Variants in RPTOR observed in about 807,000 individuals in gnomAD.
RPTOR encodes the protein regulatory associated protein of MTOR complex 1, also known as regulatory-associated protein of mTOR.
RPTOR carries 21 observed loss-of-function variants against 169.9 expected under a neutral mutation model. The ratio of observed to expected loss-of-function variants is 0.12; its 90% CI spans 0.09 to 0.18. The LOEUF (loss-of-function observed/expected upper bound fraction) is 0.18, where lower values mean the gene tolerates loss of function less well. Ranked by LOEUF, RPTOR falls within the 10% of genes least tolerant of loss-of-function variation. The pLI is 1.00. For missense variants in RPTOR, 1,133 were observed against 1,855.9 expected (o/e 0.61, Z 7.16); for synonymous variants, 732 against 753.2 (o/e 0.97, Z 0.46).
intron 7 of RPTOR, among the ~76,000 whole-genome samples, chr17:80,801,211 C>T (rs1312934775): frequency 1.3e-5 from 2 of 152,140 alleles, no homozygotes; most frequent in Non-Finnish European, 2.9e-5. Context: ...TGATAGTGAC[C>T]GTAGGAAGCA....
intron 5 of RPTOR, among the ~76,000 whole-genome samples, chr17:80,734,511 A>G (rs62067923): frequency 0.053 from 8,045 of 152,312 alleles, 271 homozygotes; most frequent in Non-Finnish European, 0.078. Context: ...GAAAAATCTC[A>G]TTACTGGGTT....
intron 33 of RPTOR, 78 bp downstream of exon 33, chr17:80,963,135 G>C (rs1598429039): frequency 7.4e-7 from 1 of 1,350,984 alleles, no homozygotes; most frequent in Non-Finnish European, 1.0e-6. Flanking sequence ...AAGGCAGCAG[G>C]GGTCCTGCCT....
chr17:80,689,730 C>G (rs985697358), intron 3 of RPTOR, among the ~76,000 whole-genome samples: 1 of 152,192 alleles, frequency 6.6e-6, no homozygotes, highest in Non-Finnish European at 1.5e-5. Context: ...CAGTGTTTTA[C>G]GCGTATGAAA....
At chr17:80,686,045 C>A (rs1175617154) in intron 3 of RPTOR, among the ~76,000 whole-genome samples, 2 of 152,002 alleles carry the variant, frequency 1.3e-5, no homozygotes, top group Non-Finnish European at 2.9e-5. Flanking sequence ...TGGTGCTGTT[C>A]ATTTTTGAGA....
intron 1 of RPTOR, among the ~76,000 whole-genome samples, chr17:80,600,692 T>G (rs1211279688): frequency 6.6e-6 from 1 of 152,032 alleles, no homozygotes; most frequent in African/African-American, 2.4e-5. Context: ...AGGGTTTAGG[T>G]GACGAGACCC....
chr17:80,944,990 C>CA (rs530408210), intron 25 of RPTOR, among the ~76,000 whole-genome samples: 2,086 of 92,900 alleles, frequency 0.022, 64 homozygotes, highest in African/African-American at 0.081. Flanking sequence ...GACTCCATCT[C>CA]AAAAAAAAAA....
At chr17:80,552,371 C>T (rs927634708) in intron 1 of RPTOR, among the ~76,000 whole-genome samples, 1 of 152,174 alleles carries the variant, frequency 6.6e-6, no homozygotes, top group Non-Finnish European at 1.5e-5. Flanking sequence ...GGCCCCTTCT[C>T]GTCGTTCATA....
intron 5 of RPTOR, among the ~76,000 whole-genome samples, chr17:80,744,324 G>A (rs1477797221): frequency 2.7e-5 from 3 of 111,816 alleles, no homozygotes; most frequent in African/African-American, 8.3e-5. Context: ...TACTAGCACA[G>A]CCCTGGCTAC....
intron 1 of RPTOR, among the ~76,000 whole-genome samples, chr17:80,585,931 C>T (rs1319209858): frequency 6.6e-6 from 1 of 151,864 alleles, no homozygotes; most frequent in East Asian, 1.9e-4. Context: ...GGTATATACA[C>T]TCTCTGTTCA....
At chr17:80,872,775 T>C (rs1168547005) in intron 13 of RPTOR, among the ~76,000 whole-genome samples, 1 of 152,062 alleles carries the variant, frequency 6.6e-6, no homozygotes, top group East Asian at 1.9e-4. Flanking sequence ...CTTTGCAAGA[T>C]GGATGGGCAC....
intron 6 of RPTOR, among the ~76,000 whole-genome samples, chr17:80,783,625 C>T (rs142056217): frequency 3.3e-4 from 51 of 152,338 alleles, no homozygotes; most frequent in African/African-American, 1.2e-3. Context: ...ATCCAGCAGG[C>T]GCCTAAGGGG....
chr17:80,889,902 G>A (rs2068297368), intron 17 of RPTOR, among the ~76,000 whole-genome samples: 1 of 124,862 alleles, frequency 8.0e-6, no homozygotes, highest in South Asian at 3.0e-4. Flanking sequence ...CCCGTACGCA[G>A]CAGGATGTGC....
At chr17:80,888,100 C>T (rs950897071) in intron 17 of RPTOR, among the ~76,000 whole-genome samples, 1 of 152,254 alleles carries the variant, frequency 6.6e-6, no homozygotes, top group East Asian at 1.9e-4. Context: ...AAGGACTGTT[C>T]AGATACTATT....
At chr17:80,638,642 C>G (rs183478405) in intron 2 of RPTOR, among the ~76,000 whole-genome samples, 152 of 152,122 alleles carry the variant, frequency 1.0e-3, no homozygotes, top group Non-Finnish European at 2.0e-3. Flanking sequence ...TCTGCCAGTT[C>G]CATTGGTGTC....
At chr17:80,747,173 G>A (rs1018021161) in intron 5 of RPTOR, among the ~76,000 whole-genome samples, 19 of 152,156 alleles carry the variant, frequency 1.2e-4, no homozygotes, top group Middle Eastern at 3.2e-3. Context: ...CCAAGATTGC[G>A]CCACTGCACG....
chr17:80,702,628 C>G (rs367668346), intron 3 of RPTOR, among the ~76,000 whole-genome samples: 4 of 152,140 alleles, frequency 2.6e-5, no homozygotes, highest in African/African-American at 9.7e-5. Context: ...ATATCTGTGG[C>G]GCCTTTCATG....
intron 1 of RPTOR, among the ~76,000 whole-genome samples, chr17:80,575,799 G>C (rs1473302784): frequency 6.6e-6 from 1 of 152,016 alleles, no homozygotes; most frequent in Non-Finnish European, 1.5e-5. Context: ...GTAACAGAGA[G>C]GTGTATTAAC....
intron 1 of RPTOR, among the ~76,000 whole-genome samples, chr17:80,604,770 G>A (rs1482747836): frequency 1.3e-5 from 2 of 152,092 alleles, no homozygotes; most frequent in East Asian, 1.9e-4. Flanking sequence ...AAAAACATCA[G>A]ATCTTGTGAG....
intron 1 of RPTOR, among the ~76,000 whole-genome samples, chr17:80,581,218 CAG>C (rs1218655443): frequency 2.6e-5 from 4 of 152,220 alleles, no homozygotes; most frequent in Non-Finnish European, 5.9e-5. Flanking sequence ...TAAAATATAA[CAG>C]AGATACTTTG....
Sources: gnomAD v4.1 joint callset for allele counts (sites outside exome capture counted in the v4.1 genomes callset) on GRCh38, gnomAD v4.1.1 for gene constraint, MANE v1.5 for transcripts, NCBI Gene and HGNC (gene_info 2026-07-23, HGNC 2026-07-21) for gene names.